ELFN2: variants seen among roughly 807,000 people sequenced by gnomAD.
ELFN2 encodes the protein protein phosphatase 1 regulatory subunit 29.
ELFN2 carries 17 observed loss-of-function variants against 45.5 expected under a neutral mutation model. That is an observed-to-expected ratio of 0.37 (90% confidence interval 0.26 to 0.56). ELFN2 has a LOEUF of 0.56. ELFN2 is among the 20% of genes least tolerant of loss of function. The probability of loss-of-function intolerance (pLI) is 0.77; values close to 1 mark genes in which losing one functional copy is unlikely to be tolerated. For synonymous variants in ELFN2, 550 were observed against 551.5 expected (o/e 1.00, Z 0.04); for missense variants, 922 against 1,183.2 (o/e 0.78, Z 3.24).
intron 2 of ELFN2, among the ~76,000 whole-genome samples, chr22:37,392,133 A>G (rs1205094235): frequency 6.6e-6 from 1 of 152,150 alleles, no homozygotes; most frequent in Admixed American, 6.5e-5. Context: ...TTTAACTGCT[A>G]CCGTTAGACT....
rs1458341417 is a variant in ELFN2 at position 37,374,529 on chromosome 22, C to T, written c.1006G>A (p.Val336Ile). 5 of 1,614,106 alleles carry T rather than the reference C, an allele frequency of 3.1e-6. No individual in the cohort carries two copies. The highest frequency in any genetic ancestry group is 2.2e-5 in the East Asian group (1 of 44,898). Residue 336 changes from valine to isoleucine, a missense_variant, in exon 3 of 3, where the codon GTC (valine) becomes ATC (isoleucine). By Grantham distance (29) the Val-to-Ile change is conservative (BLOSUM62 3). This residue lies in a region of ELFN2 where 358 missense variants were observed against 540.4 expected (regional missense o/e 0.66). Coordinates refer to ENST00000402918, the MANE Select transcript of ELFN2 (RefSeq NM_052906.5). Reference protein sequence around the residue: ...VQYNNSYFSDVMTLKNKKEIV... With the variant: ...VQYNNSYFSDIMTLKNKKEIV... ...TCCTTCTTGTTCTTGAGGGTCATGA[C>T]GTCGGAGAAGTAGCTGTTGTTGTAC...
At chr22:37,389,089 C>T (rs1932030710) in intron 2 of ELFN2, among the ~76,000 whole-genome samples, 1 of 152,170 alleles carries the variant, frequency 6.6e-6, no homozygotes, top group Non-Finnish European at 1.5e-5. Flanking sequence ...ATTGGGGCCA[C>T]AATGAGGACT....
At chr22:37,377,632 A>G (rs1931617804) in intron 2 of ELFN2, among the ~76,000 whole-genome samples, 1 of 152,226 alleles carries the variant, frequency 6.6e-6, no homozygotes, top group Non-Finnish European at 1.5e-5. Flanking sequence ...ATAGGTGAAC[A>G]GGGAGTCCAG....
intron 1 of ELFN2, among the ~76,000 whole-genome samples, chr22:37,418,376 G>A (rs943977198): frequency 1.3e-5 from 2 of 152,070 alleles, no homozygotes; most frequent in Non-Finnish European, 2.9e-5. Flanking sequence ...GGGGCCACAG[G>A]GCTTCTTTCA....
At position 37,417,567 on chromosome 22, in the gene ELFN2, C is replaced by T. The variant is rs142430111; in HGVS notation, c.-463+202G>A. 9.2e-3 allele frequency among the ~76,000 whole-genome samples: 1,399 copies of T among 152,290 alleles called. 25 individuals are homozygous for T. The highest frequency in any genetic ancestry group is 0.031 in the African/African-American group (1,306 of 41,554). The stretch of plus-strand genomic sequence containing the variant: ...TTGTCTTAGCCCCCAACAGGCCTGC[C>T]GCTCTGCAGGCCGCCTCATAGGCCC... On this transcript the variant is annotated intron_variant, in intron 2 of 2. Coordinates refer to ENST00000402918, the MANE Select transcript of ELFN2 (RefSeq NM_052906.5). The surrounding 1 kb of genome is among the most constrained non-coding windows in gnomAD (Gnocchi z 4.5).
rs897357111 is a variant in ELFN2, at chr22:37,372,931, C to T, written c.*141G>A. 143 of 753,234 alleles carry T rather than the reference C, an allele frequency of 1.9e-4. No individual in the cohort carries two copies. The highest frequency in any genetic ancestry group is 3.9e-4 in the Middle Eastern group (1 of 2,548). The allele number at this position is 753,234 out of a possible 1,614,324, so 46.7% of individuals were successfully genotyped here. A position where few individuals can be genotyped will look rare whatever the true frequency, so the allele number is the denominator to read the frequency against. Reference sequence around the variant, plus strand: ...CGGGTGGTGGTCAGGTGTGTGTGTGCGTGCGTGCGTGCGGGTCTGCATGTG... The same window carrying T: ...CGGGTGGTGGTCAGGTGTGTGTGTGTGTGCGTGCGTGCGGGTCTGCATGTG... On this transcript the variant is annotated 3_prime_UTR_variant, in exon 3 of 3. Coordinates refer to ENST00000402918, the MANE Select transcript of ELFN2 (RefSeq NM_052906.5). This position sits in a 1 kb window ranked among gnomAD's most constrained non-coding sequence, Gnocchi z 4.4.
intron 2 of ELFN2, chr22:37,384,990 C>T (rs1931907982): frequency 6.6e-6 from 1 of 152,492 alleles, no homozygotes; most frequent in African/African-American, 2.4e-5. Flanking sequence ...GCCCTCCTGG[C>T]TCTGCCTCCT....
At chr22:37,385,648 C>T (rs1931928133) in intron 2 of ELFN2, among the ~76,000 whole-genome samples, 1 of 152,174 alleles carries the variant, frequency 6.6e-6, no homozygotes, top group Non-Finnish European at 1.5e-5. Flanking sequence ...GGGGGAACCC[C>T]AGAGTGGGGA....
chr22:37,343,675 G>A (rs1455034659), intron 1 of ELFN2, among the ~76,000 whole-genome samples: 1 of 151,850 alleles, frequency 6.6e-6, no homozygotes, highest in East Asian at 1.9e-4. Flanking sequence ...GCAGAGAGCG[G>A]TCTTGGCTGG....
chr22:37,400,631 G>A (rs1011449695), intron 2 of ELFN2, among the ~76,000 whole-genome samples: 1 of 152,216 alleles, frequency 6.6e-6, no homozygotes, highest in Non-Finnish European at 1.5e-5. Flanking sequence ...CCCACCCTCG[G>A]TGGGCACGCC....
chr22:37,366,651 G>A (rs1481650184), downstream of ELFN2, among the ~76,000 whole-genome samples: 3 of 152,234 alleles, frequency 2.0e-5, no homozygotes. Context: ...GACAGAGCCT[G>A]TCAGGGCCCA....
chr22:37,364,181 C>CA (rs958251492), downstream of ELFN2, among the ~76,000 whole-genome samples: 10 of 152,236 alleles, frequency 6.6e-5, no homozygotes, highest in African/African-American at 2.4e-4. Flanking sequence ...AAGGACTAGA[C>CA]AGTAAAGGCT....
At chr22:37,387,004 C>T (rs1931964682) in intron 2 of ELFN2, among the ~76,000 whole-genome samples, 1 of 152,254 alleles carries the variant, frequency 6.6e-6, no homozygotes, top group Non-Finnish European at 1.5e-5. Context: ...AGGGTCACAG[C>T]TCCAGGAAGC....
At chr22:37,409,346 G>A (rs1932588652) in intron 2 of ELFN2, among the ~76,000 whole-genome samples, 1 of 152,198 alleles carries the variant, frequency 6.6e-6, no homozygotes, top group Non-Finnish European at 1.5e-5. Context: ...ATCCTGGGAT[G>A]CAGCAGGTGG....
intron 2 of ELFN2, among the ~76,000 whole-genome samples, chr22:37,402,846 G>C (rs1309865211): frequency 6.6e-6 from 1 of 152,188 alleles, no homozygotes; most frequent in Non-Finnish European, 1.5e-5. Flanking sequence ...GCCAACCCGA[G>C]GCATGCCAAG....
chr22:37,426,351 C>T (rs1292320717), intron 1 of ELFN2, among the ~76,000 whole-genome samples: 2 of 136,812 alleles, frequency 1.5e-5, no homozygotes, highest in East Asian at 2.1e-4. Context: ...CACACGCGCG[C>T]GCGCGCACAC....
Position 37,374,689 on chromosome 22 carries a change from C to G in ELFN2, c.846G>C (p.Ser282=), listed in dbSNP as rs147268220. The change falls in exon 3 of 3, where the codon TCG becomes TCC. Residue 282 remains serine (S), a synonymous_variant. Transcript: ENST00000402918. ...NSGFNPDEIL[S]VEPPASSTTD... ...TGGTGGACGAGGCCGGCGGCTCCACCGAAAGGATCTCGTCGGGGTTGAAGC... is the reference window on the plus strand; with the variant it reads ...TGGTGGACGAGGCCGGCGGCTCCACGGAAAGGATCTCGTCGGGGTTGAAGC... The G allele has an allele frequency of 8.7e-6, 14 of 1,611,688 alleles. No homozygotes were observed. Among genetic ancestry groups the G allele is most frequent in the Non-Finnish European group, 1.1e-5 (13 of 1,178,070 alleles).
rs1171742236 is a variant in ELFN2, at chr22:37,375,439, G to A, written c.96C>T (p.Gly32=). 6.2e-7 allele frequency: 1 copy of A among 1,613,228 alleles called. No homozygotes were observed. The highest frequency in any genetic ancestry group is 8.5e-7 in the Non-Finnish European group (1 of 1,179,712). ...ADCWLIEGDK[G]YVWLAICSQN... Reference sequence around the variant, plus strand: ...GGCTGCAGATGGCCAGCCACACGTAGCCCTTGTCGCCCTCAATGAGCCAGC... The same window carrying A: ...GGCTGCAGATGGCCAGCCACACGTAACCCTTGTCGCCCTCAATGAGCCAGC... Residue 32 remains glycine, a synonymous_variant, in exon 3 of 3, where the codon GGC becomes GGT. Coordinates refer to ENST00000402918, the MANE Select transcript of ELFN2 (RefSeq NM_052906.5).
intron 2 of ELFN2, among the ~76,000 whole-genome samples, chr22:37,378,131 C>T (rs1429962749): frequency 2.6e-5 from 4 of 152,222 alleles, no homozygotes; most frequent in Non-Finnish European, 5.9e-5. Context: ...GGTGTGCTGA[C>T]GTGTACAAGT....
Sources: gnomAD v4.1 joint callset for allele counts (sites outside exome capture counted in the v4.1 genomes callset) on GRCh38, gnomAD v4.1.1 for gene constraint, gnomAD v4.1.1 regional missense constraint, Gnocchi (gnomAD v3.1) non-coding constraint, MANE v1.5 for transcripts, NCBI Gene and HGNC (gene_info 2026-07-23, HGNC 2026-07-21) for gene names.